Variants in COL11A1 observed in about 807,000 individuals in gnomAD.
COL11A1 encodes collagen alpha-1(XI) chain.
Under a neutral mutation model 265.2 loss-of-function variants are expected in COL11A1, and 74 were observed. The ratio of observed to expected loss-of-function variants is 0.28; its 90% CI spans 0.23 to 0.34. The LOEUF is 0.34. Among genes scored for constraint, COL11A1 ranks in the 10% least tolerant of loss-of-function variants. COL11A1 has a pLI of 1.00. For missense variants in COL11A1, 2,165 were observed against 2,263.6 expected (o/e 0.96, Z 0.88); for synonymous variants, 816 against 727.6 (o/e 1.12, Z -1.96).
At chr1:103,104,448 T>C (rs1674533586) in intron 1 of COL11A1, among the ~76,000 whole-genome samples, 1 of 151,602 alleles carries the variant, frequency 6.6e-6, no homozygotes. Flanking sequence ...ACCGAAAAAA[T>C]ATTAATTTTT....
In COL11A1 at chr1:103,032,623, A is replaced by T. The variant is rs148841579; in HGVS notation, c.652-1379T>A. 1.4e-3 allele frequency among the ~76,000 whole-genome samples: 220 copies of T among 152,224 alleles called. 1 individual carries two copies. The highest frequency in any genetic ancestry group is 5.1e-3 in the African/African-American group (212 of 41,578). On this transcript the variant is annotated intron_variant, in intron 4 of 66. Transcript: ENST00000370096. Reference sequence around the variant, plus strand: ...ATTAGAATTGAGTATAAGTTATTTAATAAGAATTAAGATATTTAATCCTAG... The same window carrying T: ...ATTAGAATTGAGTATAAGTTATTTATTAAGAATTAAGATATTTAATCCTAG...
At chr1:102,893,906 AT>A (rs1275944002) in intron 57 of COL11A1, among the ~76,000 whole-genome samples, 1 of 152,202 alleles carries the variant, frequency 6.6e-6, no homozygotes, top group Non-Finnish European at 1.5e-5. Flanking sequence ...ATAAACTCTA[AT>A]TCAGTATCCC....
chr1:102,974,870 G>T lies in COL11A1; in HGVS notation c.2768C>A (p.Pro923His), dbSNP rs375398395. 1 of 1,613,266 alleles carries T rather than the reference G, an allele frequency of 6.2e-7. No individual in the cohort carries two copies. Among genetic ancestry groups the T allele is most frequent in the Non-Finnish European group, 8.5e-7 (1 of 1,179,454 alleles). The change falls in exon 36 of 67, where the codon CCT (proline) becomes CAT (histidine). Residue 923 changes from proline to histidine, a missense_variant. Transcript: ENST00000370096. ...GPPGERGPQG[P>H]QGPVGFPGPK... ...TCCAGGGAATCCAACTGGACCCTGA[G>T]GTCCTTGAGGACCCTGGAAATAAAA... is the stretch of plus-strand genomic sequence containing the variant.
At chr1:103,081,615 A>G (rs552276239) in intron 2 of COL11A1, among the ~76,000 whole-genome samples, 1 of 152,038 alleles carries the variant, frequency 6.6e-6, no homozygotes, top group South Asian at 2.1e-4. Context: ...GTATTTCAAT[A>G]TATTTTAAAA....
rs749003514 is a variant in COL11A1 at position 102,979,071 on chromosome 1, G to A, written c.2644C>T (p.Arg882Cys). 1.6e-5 allele frequency: 26 copies of A among 1,613,946 alleles called. 1 individual carries two copies. The Admixed American group carries it at 1.8e-4, about 11-fold the overall frequency. ...ATCAAGGCACCTACCGTTGGACCACGCTGACCCCGAGGGCCTGGTTTGCCA... is the reference window on the plus strand; with the variant it reads ...ATCAAGGCACCTACCGTTGGACCACACTGACCCCGAGGGCCTGGTTTGCCA... Reference protein sequence around the residue: ...VAGKPGPRGQRGPTGPRGSRG... With the variant: ...VAGKPGPRGQCGPTGPRGSRG... The change falls in exon 33 of 67, where the codon CGT (arginine) becomes TGT (cysteine). Residue 882 changes from arginine (R) to cysteine (C), a missense_variant. Physicochemically the swap from Arg to Cys is radical, Grantham distance 180. Coordinates refer to ENST00000370096, the MANE Select transcript of COL11A1 (RefSeq NM_001854.4).
chr1:103,059,464 C>T (rs1352974960), intron 4 of COL11A1, among the ~76,000 whole-genome samples: 1 of 151,884 alleles, frequency 6.6e-6, no homozygotes, highest in South Asian at 2.1e-4. Flanking sequence ...GTTCACCTTT[C>T]AACACAAAAT....
chr1:102,981,676 A>G (rs1325025249), intron 31 of COL11A1, among the ~76,000 whole-genome samples: 12 of 152,046 alleles, frequency 7.9e-5, no homozygotes, highest in Admixed American at 7.9e-4. Flanking sequence ...ACCCGTTTTT[A>G]TATGGAAACA....
intron 54 of COL11A1, among the ~76,000 whole-genome samples, chr1:102,909,902 ATG>A (rs1198206604): frequency 1.5e-5 from 2 of 136,734 alleles, no homozygotes; most frequent in Non-Finnish European, 3.5e-5. Context: ...TTTTAAAAAT[ATG>A]TTATAATAAA....
chr1:102,920,277 G>A (rs770811063), intron 49 of COL11A1, 34 bp downstream of exon 49: 8 of 1,583,760 alleles, frequency 5.1e-6, no homozygotes, highest in Non-Finnish European at 6.9e-6. Context: ...CTTAATTCAT[G>A]CTGTTTCAAA....
rs781736900 is a variant in COL11A1, at chr1:102,898,927, TA to T, written c.4140+13del. Reference sequence around the variant, plus strand: ...TATATAATATATATTATGTATATATTATTTTTTTTTTACCTTAGCACCTTTT... The same window carrying T: ...TATATAATATATATTATGTATATATTTTTTTTTTTTACCTTAGCACCTTTT... On this transcript the variant is annotated intron_variant, in intron 55 of 66. Transcript: ENST00000370096. 369 of 1,336,114 alleles carry T rather than the reference TA, an allele frequency of 2.8e-4. No individual in the cohort carries two copies. The highest frequency in any genetic ancestry group is 3.4e-4 in the Non-Finnish European group (330 of 975,882). 82.8% of individuals were successfully genotyped at this position (1,336,114 alleles called of 1,614,324 possible). A position where few individuals can be genotyped will look rare whatever the true frequency, so the allele number is the denominator to read the frequency against.
chr1:103,071,276 G>T (rs924122104), intron 4 of COL11A1, among the ~76,000 whole-genome samples: 1 of 151,808 alleles, frequency 6.6e-6, no homozygotes, highest in East Asian at 1.9e-4. Context: ...AAATAATGAT[G>T]TTTTGAAAAC....
At chr1:102,922,161 A>G (rs535991909) in intron 47 of COL11A1, among the ~76,000 whole-genome samples, 1 of 152,352 alleles carries the variant, frequency 6.6e-6, no homozygotes, top group East Asian at 1.9e-4. Flanking sequence ...TGATTAAAAT[A>G]GTCTACAGCG....
At chr1:102,983,330 T>C (rs1663220698) in intron 31 of COL11A1, among the ~76,000 whole-genome samples, 1 of 152,038 alleles carries the variant, frequency 6.6e-6, no homozygotes, top group South Asian at 2.1e-4. Flanking sequence ...TACAAATCTA[T>C]GGAATCTGTG....
At chr1:102,881,650 C>G (rs746079859) in intron 65 of COL11A1, 47 bp downstream of exon 65, 3 of 1,415,060 alleles carry the variant, frequency 2.1e-6, no homozygotes, top group Non-Finnish European at 3.0e-6. Context: ...CAGAATGTCA[C>G]TTCTTGAGTT....
intron 4 of COL11A1, among the ~76,000 whole-genome samples, chr1:103,064,477 C>G (rs1670920824): frequency 1.3e-5 from 2 of 151,944 alleles, no homozygotes; most frequent in Middle Eastern, 3.4e-3. Flanking sequence ...ATCACGAGGT[C>G]AGGAGATCAA....
chr1:103,077,040 C>G (rs1425634353), intron 3 of COL11A1, among the ~76,000 whole-genome samples: 1 of 151,884 alleles, frequency 6.6e-6, no homozygotes, highest in East Asian at 1.9e-4. Context: ...ACCTACCTAG[C>G]ACACAGTAAG....
At chr1:102,947,697 A>C (rs560464861) in intron 41 of COL11A1, among the ~76,000 whole-genome samples, 1 of 152,086 alleles carries the variant, frequency 6.6e-6, no homozygotes, top group East Asian at 1.9e-4. Flanking sequence ...TTTTGAAAAT[A>C]ATCACATGGA....
chr1:103,071,307 G>A (rs1671565405), intron 4 of COL11A1, among the ~76,000 whole-genome samples: 1 of 151,670 alleles, frequency 6.6e-6, no homozygotes, highest in South Asian at 2.1e-4. Flanking sequence ...GCTATAACTT[G>A]CTATTTAATA....
intron 15 of COL11A1, among the ~76,000 whole-genome samples, chr1:103,007,483 G>GA (rs1665726063): frequency 6.6e-6 from 1 of 151,860 alleles, no homozygotes. Context: ...AAACATGGTA[G>GA]AAAAAAATGA....
Sources: gnomAD v4.1 joint callset for allele counts (sites outside exome capture counted in the v4.1 genomes callset) on GRCh38, gnomAD v4.1.1 for gene constraint, MANE v1.5 for transcripts, NCBI Gene and HGNC (gene_info 2026-07-23, HGNC 2026-07-21) for gene names.